LRRC49: variants seen among roughly 807,000 people sequenced by gnomAD.
LRRC49 encodes the protein leucine rich repeat containing 49.
A neutral mutation model predicts 83.3 loss-of-function variants in LRRC49; 50 were observed. The observed-to-expected ratio is 0.60, with a 90% CI of 0.48 to 0.76. The LOEUF (loss-of-function observed/expected upper bound fraction) is 0.76, where lower values mean the gene tolerates loss of function less well. LRRC49 is among the 30% of genes least tolerant of loss of function. The pLI is 0.00. For missense variants in LRRC49, 704 were observed against 809.1 expected, an observed-to-expected ratio of 0.87 and a Z score of 1.58; for synonymous variants, 286 against 283.3, an observed-to-expected ratio of 1.01 and a Z score of -0.10.
chr15:70,938,412 A>G (rs1010344496), intron 8 of LRRC49, among the ~76,000 whole-genome samples: 1 of 152,090 alleles, frequency 6.6e-6, no homozygotes, highest in Admixed American at 6.5e-5. Context: ...TCTCTCTGTG[A>G]TTGCTTTCTT....
intron 15 of LRRC49, among the ~76,000 whole-genome samples, chr15:71,045,508 G>C (rs566093686): frequency 3.3e-5 from 5 of 152,220 alleles, no homozygotes; most frequent in African/African-American, 4.8e-5. Flanking sequence ...GTATTCTACA[G>C]AGTATTTTTC....
chr15:70,922,929 C>G (rs1406745762), intron 7 of LRRC49, among the ~76,000 whole-genome samples: 6 of 151,898 alleles, frequency 4.0e-5, no homozygotes, highest in African/African-American at 1.4e-4. Flanking sequence ...TTGTATATAT[C>G]TTTTATTTTA....
At chr15:70,948,817 A>G (rs2036107590) in intron 8 of LRRC49, among the ~76,000 whole-genome samples, 1 of 152,054 alleles carries the variant, frequency 6.6e-6, no homozygotes, top group African/African-American at 2.4e-5. Context: ...TTTCTGGGCC[A>G]TCTCAGTGGA....
At chr15:70,857,743 C>T (rs1414636490) in intron 1 of LRRC49, among the ~76,000 whole-genome samples, 2 of 152,108 alleles carry the variant, frequency 1.3e-5, no homozygotes, top group Admixed American at 1.3e-4. Flanking sequence ...GAGGCACAGC[C>T]AGTGAAAACA....
intron 10 of LRRC49, among the ~76,000 whole-genome samples, chr15:70,981,396 A>G (rs908820302): frequency 6.6e-5 from 10 of 151,910 alleles, no homozygotes; most frequent in African/African-American, 2.4e-4. Flanking sequence ...CCTAATGTAG[A>G]TGACGGGTTG....
intron 7 of LRRC49, among the ~76,000 whole-genome samples, chr15:70,930,833 T>G (rs2141149063): frequency 6.6e-6 from 1 of 152,366 alleles, no homozygotes; most frequent in South Asian, 2.1e-4. Flanking sequence ...TTCTAGCTTT[T>G]CTTCTGCAGC....
chr15:70,910,823 A>G (rs1223882510), intron 5 of LRRC49, among the ~76,000 whole-genome samples: 2 of 152,340 alleles, frequency 1.3e-5, no homozygotes, highest in African/African-American at 2.4e-5. Flanking sequence ...ACATGTCAGA[A>G]TGTCCTTTTA....
intron 14 of LRRC49, among the ~76,000 whole-genome samples, chr15:71,021,869 T>G (rs1442658687): frequency 6.6e-6 from 1 of 152,206 alleles, no homozygotes; most frequent in Non-Finnish European, 1.5e-5. Context: ...TCTTGAGTCC[T>G]ATGCTAAGAA....
intron 9 of LRRC49, 63 bp downstream of exon 9, chr15:70,963,995 T>C (rs1205341590): frequency 6.7e-7 from 1 of 1,491,766 alleles, no homozygotes; most frequent in Non-Finnish European, 9.1e-7. Context: ...GAAATTGGGA[T>C]GCATATTCTT....
At position 70,963,916 on chromosome 15, in the gene LRRC49, A is replaced by C. The variant is rs2036700434; in HGVS notation, c.905A>C (p.Asp302Ala). The C allele has an allele frequency of 6.2e-7, 1 of 1,613,276 alleles. No homozygotes were observed. Among genetic ancestry groups the C allele is most frequent in the Non-Finnish European group, 8.5e-7 (1 of 1,179,486 alleles). ...LQNMMQLRQL[D>A]MKRITEEERR... ...AATATGATGCAGCTGCGCCAGCTAG[A>C]TATGAAGAGAATCACGGTGAGAACC... The change falls in exon 9 of 16, where the codon GAT becomes GCT. Residue 302 changes from aspartate to alanine, a missense_variant. Physicochemically the swap from Asp to Ala is moderately radical, Grantham distance 126 (BLOSUM62 -2). Around this residue, in one of 3 missense-constraint regions of LRRC49, gnomAD observed 168 missense variants for 140.6 expected, o/e 1.20. Transcript: ENST00000260382.
At chr15:70,974,828 TG>T (rs2037150011) in intron 9 of LRRC49, among the ~76,000 whole-genome samples, 1 of 151,970 alleles carries the variant, frequency 6.6e-6, no homozygotes, top group Admixed American at 6.6e-5. Context: ...AGAAAAAGTT[TG>T]TTTATGCCTA....
Position 70,884,453 on chromosome 15 carries a change from G to A in LRRC49, c.19-9131G>A, listed in dbSNP as rs147518146. Among the ~76,000 whole-genome samples, 548 of 152,144 alleles carry A rather than the reference G, an allele frequency of 3.6e-3. 4 individuals are homozygous for A. Among genetic ancestry groups the A allele is most frequent in the African/African-American group, 0.013 (525 of 41,510 alleles). ...AATAATTGCTTGAAGCCGGGAGGCA[G>A]AGGTTGCAGTGAGCCAAGATCACAC... is the stretch of plus-strand genomic sequence containing the variant. On this transcript the variant is annotated intron_variant, in intron 2 of 16. Coordinates refer to the LRRC49 transcript ENST00000544974.
At chr15:70,904,435 T>A in intron 4 of LRRC49, 117 bp from the exon 5 acceptor site, 1 of 662,152 alleles carries the variant, frequency 1.5e-6, no homozygotes. Flanking sequence ...TTGGAAGTGG[T>A]CCAACTTATT....
At chr15:70,861,673 C>T (rs2032793302) in intron 1 of LRRC49, among the ~76,000 whole-genome samples, 1 of 152,174 alleles carries the variant, frequency 6.6e-6, no homozygotes, top group Non-Finnish European at 1.5e-5. Context: ...TTGACACATA[C>T]TTTGGAAAGT....
At chr15:71,003,627 T>C (rs2080341429) in intron 11 of LRRC49, among the ~76,000 whole-genome samples, 1 of 152,204 alleles carries the variant, frequency 6.6e-6, no homozygotes, top group African/African-American at 2.4e-5. Context: ...TTATTAATAA[T>C]AATCATGAAA....
At chr15:71,041,664 A>G (rs1050884713) in intron 15 of LRRC49, among the ~76,000 whole-genome samples, 1 of 152,218 alleles carries the variant, frequency 6.6e-6, no homozygotes, top group African/African-American at 2.4e-5. Flanking sequence ...AAGAATTTCA[A>G]GCAAACTTTG....
intron 14 of LRRC49, among the ~76,000 whole-genome samples, chr15:71,013,771 G>T (rs1402420181): frequency 1.3e-5 from 2 of 152,160 alleles, no homozygotes; most frequent in Non-Finnish European, 2.9e-5. Context: ...GCAGTTTCTA[G>T]ACTGAGCCTC....
intron 11 of LRRC49, among the ~76,000 whole-genome samples, chr15:70,995,463 G>C (rs370160561): frequency 6.6e-6 from 1 of 152,120 alleles, no homozygotes; most frequent in Non-Finnish European, 1.5e-5. Context: ...AAAAGCAAAA[G>C]GTCACCAGAA....
intron 7 of LRRC49, among the ~76,000 whole-genome samples, chr15:70,934,989 T>C (rs1479658224): frequency 1.3e-5 from 2 of 152,164 alleles, no homozygotes; most frequent in African/African-American, 4.8e-5. Context: ...ACTAGGGCCC[T>C]GGAGTGAAAT....
Sources: gnomAD v4.1 joint callset for allele counts (sites outside exome capture counted in the v4.1 genomes callset) on GRCh38, gnomAD v4.1.1 for gene constraint, gnomAD v4.1.1 regional missense constraint, MANE v1.5 for transcripts, NCBI Gene and HGNC (gene_info 2026-07-23, HGNC 2026-07-21) for gene names.